Variants in OSBPL10 observed in about 807,000 individuals in gnomAD.
OSBPL10 encodes oxysterol-binding protein-related protein 10.
In OSBPL10, 49 loss-of-function variants were observed where a neutral mutation model predicts 81.7. The observed-to-expected ratio is 0.60, with a 90% CI of 0.48 to 0.76. OSBPL10 has a LOEUF of 0.76. Ranked by LOEUF, OSBPL10 falls within the 30% of genes least tolerant of loss-of-function variation. The pLI, the probability that OSBPL10 is intolerant of heterozygous loss-of-function variation, is 0.00. For synonymous variants in OSBPL10, 419 were observed against 383.6 expected, an observed-to-expected ratio of 1.09 and a Z score of -1.08; for missense variants, 923 against 987.8, an observed-to-expected ratio of 0.93 and a Z score of 0.88.
At chr3:31,991,148 T>C (rs1159848678) in intron 2 of OSBPL10, 7 of 737,506 alleles carry the variant, frequency 9.5e-6, no homozygotes, top group African/African-American at 1.8e-5. Context: ...TTAAAGTGTT[T>C]ACGTTAAGAG....
chr3:32,026,259 C>T (rs1390299448), intron 2 of OSBPL10, among the ~76,000 whole-genome samples: 1 of 152,034 alleles, frequency 6.6e-6, no homozygotes, highest in East Asian at 1.9e-4. Context: ...GCCTCAACCT[C>T]CCAAGTAGCT....
intron 1 of OSBPL10, among the ~76,000 whole-genome samples, chr3:31,902,261 T>TTC (rs1696266919): frequency 1.2e-5 from 1 of 83,354 alleles, no homozygotes; most frequent in African/African-American, 4.0e-5. Context: ...TGTCAGTATT[T>TTC]TTTTTTTTTT....
At chr3:31,843,826 G>A (rs1018368907) in intron 3 of OSBPL10, among the ~76,000 whole-genome samples, 49 of 152,144 alleles carry the variant, frequency 3.2e-4, no homozygotes, top group Middle Eastern at 3.2e-3. Flanking sequence ...GTATCTCCAA[G>A]ACATATACCC....
intron 3 of OSBPL10, 59 bp from the exon 4 acceptor site, chr3:31,830,290 T>C (rs1443146643): frequency 1.1e-5 from 16 of 1,499,166 alleles, no homozygotes; most frequent in Admixed American, 2.0e-5. Context: ...CAACTAAGTG[T>C]TGGCTTCTAT....
chr3:31,883,771 G>A (rs1575598434), intron 1 of OSBPL10, among the ~76,000 whole-genome samples: 1 of 151,818 alleles, frequency 6.6e-6, no homozygotes, highest in Admixed American at 6.6e-5. Context: ...TGATCCACCC[G>A]CCTCGGCCTC....
At chr3:32,023,560 C>T (rs1197666867) in intron 2 of OSBPL10, among the ~76,000 whole-genome samples, 1 of 152,184 alleles carries the variant, frequency 6.6e-6, no homozygotes, top group Non-Finnish European at 1.5e-5. Context: ...TTCTTTATTT[C>T]CATGCTTGGG....
chr3:32,057,299 G>A (rs1221183468), intron 1 of OSBPL10, among the ~76,000 whole-genome samples: 1 of 150,378 alleles, frequency 6.6e-6, no homozygotes, highest in African/African-American at 2.4e-5. Flanking sequence ...ATTTTTTTTT[G>A]CGTGAGGTTT....
At chr3:31,784,291 G>A (rs1698800358) in intron 4 of OSBPL10, among the ~76,000 whole-genome samples, 1 of 151,858 alleles carries the variant, frequency 6.6e-6, no homozygotes, top group South Asian at 2.1e-4. Flanking sequence ...GAACTCAGGA[G>A]GCGGAGGTTG....
chr3:31,822,662 C>A (rs1408965806), intron 4 of OSBPL10, among the ~76,000 whole-genome samples: 2 of 152,034 alleles, frequency 1.3e-5, no homozygotes, highest in Admixed American at 6.5e-5. Context: ...GTAATCCCAG[C>A]ACTTCGGGAG....
chr3:32,051,789 A>G (rs954862059), intron 1 of OSBPL10, among the ~76,000 whole-genome samples: 6 of 152,162 alleles, frequency 3.9e-5, no homozygotes, highest in African/African-American at 9.7e-5. Flanking sequence ...CTGTCTGCGT[A>G]TTTATATGTG....
chr3:31,838,503 T>G (rs1228872283), intron 3 of OSBPL10, among the ~76,000 whole-genome samples: 1 of 106,162 alleles, frequency 9.4e-6, no homozygotes, highest in African/African-American at 4.3e-5. Context: ...AGAGCAAGAC[T>G]CTGTCAAAAA....
intron 6 of OSBPL10, among the ~76,000 whole-genome samples, chr3:31,715,152 G>C (rs1696393496): frequency 6.6e-6 from 1 of 151,938 alleles, no homozygotes; most frequent in South Asian, 2.1e-4. Flanking sequence ...CTCTAGACTT[G>C]TGCTATCTAA....
Position 31,747,487 on chromosome 3 carries a change from T to TAA in OSBPL10, c.940+421_940+422dup, listed in dbSNP as rs61150758. 3.4e-3 allele frequency among the ~76,000 whole-genome samples: 336 copies of TAA among 98,428 alleles called. 1 individual carries two copies. Among genetic ancestry groups the TAA allele is most frequent in the African/African-American group, 4.1e-3 (111 of 26,980 alleles). The allele number at this position is 98,428 out of a possible 152,430, so 64.6% of individuals were successfully genotyped here. On this transcript the variant is annotated intron_variant, in intron 5 of 11. Coordinates refer to ENST00000396556, the MANE Select transcript of OSBPL10 (RefSeq NM_017784.5). ...GAATGGAATGAAATGAATCTTCAAA[T>TAA]AAAAAAAAAAAAAAAAAAAAAAACA...
intron 2 of OSBPL10, chr3:31,991,327 G>T (rs973216644): frequency 4.4e-6 from 1 of 229,842 alleles, no homozygotes; most frequent in African/African-American, 2.3e-5. Context: ...GTATTGTGTT[G>T]AATCTAAATC....
At chr3:31,921,569 G>C (rs1696916352) in intron 1 of OSBPL10, among the ~76,000 whole-genome samples, 1 of 152,146 alleles carries the variant, frequency 6.6e-6, no homozygotes, top group Admixed American at 6.5e-5. Flanking sequence ...ATAATCCAGA[G>C]TAAAAAATAA....
At chr3:31,665,616 G>C (rs1353127847) in intron 10 of OSBPL10, among the ~76,000 whole-genome samples, 1 of 152,200 alleles carries the variant, frequency 6.6e-6, no homozygotes, top group African/African-American at 2.4e-5. Context: ...CTGGCACTGA[G>C]AGATAAGCCA....
chr3:31,757,280 C>A (rs759547768), intron 4 of OSBPL10, among the ~76,000 whole-genome samples: 1 of 152,022 alleles, frequency 6.6e-6, no homozygotes, highest in Admixed American at 6.6e-5. Flanking sequence ...GTCCCTAATC[C>A]GGTATGACTG....
At chr3:31,959,080 C>T (rs950066732) in intron 1 of OSBPL10, among the ~76,000 whole-genome samples, 1 of 152,136 alleles carries the variant, frequency 6.6e-6, no homozygotes, top group African/African-American at 2.4e-5. Context: ...TGGAGACGCA[C>T]GCAATGGAAT....
intron 1 of OSBPL10, among the ~76,000 whole-genome samples, chr3:32,065,811 G>A (rs1241423823): frequency 1.1e-5 from 1 of 88,698 alleles, no homozygotes; most frequent in Non-Finnish European, 3.0e-5. Context: ...GAGCCCAGGA[G>A]GCCTAGGTTG....
Sources: gnomAD v4.1 joint callset for allele counts (sites outside exome capture counted in the v4.1 genomes callset) on GRCh38, gnomAD v4.1.1 for gene constraint, MANE v1.5 for transcripts, NCBI Gene and HGNC (gene_info 2026-07-23, HGNC 2026-07-21) for gene names.